The following ZNF423 variants were observed in gnomAD, a reference collection of about 807,000 sequenced individuals.
ZNF423 encodes Ebf-associated zinc finger protein.
In ZNF423, 12 loss-of-function variants were observed where a neutral mutation model predicts 95.8. The observed-to-expected ratio is 0.13, with a 90% CI of 0.08 to 0.20. The LOEUF is 0.20. Among genes scored for constraint, ZNF423 ranks in the 10% least tolerant of loss-of-function variants. ZNF423 has a pLI of 1.00. For missense variants in ZNF423, 1,316 were observed against 1,737.1 expected (o/e 0.76, Z 4.31); for synonymous variants, 749 against 711.9 (o/e 1.05, Z -0.83).
At chr16:49,529,972 T>C (rs550255436) in intron 5 of ZNF423, among the ~76,000 whole-genome samples, 1 of 152,094 alleles carries the variant, frequency 6.6e-6, no homozygotes, top group African/African-American at 2.4e-5. Flanking sequence ...AGAAGACCAA[T>C]GACTTCCGCC....
intron 3 of ZNF423, among the ~76,000 whole-genome samples, chr16:49,641,706 G>A (rs757167869): frequency 9.9e-5 from 15 of 152,110 alleles, no homozygotes; most frequent in African/African-American, 2.2e-4. Context: ...CTCACTTTAC[G>A]CATCTGAAAA....
intron 5 of ZNF423, among the ~76,000 whole-genome samples, chr16:49,612,213 AAC>A (rs1971745507): frequency 6.6e-6 from 1 of 152,022 alleles, no homozygotes; most frequent in Admixed American, 6.6e-5. Flanking sequence ...ATCCCTCATA[AAC>A]ACAGATACAA....
chr16:49,518,186 C>T (rs1968233093), intron 7 of ZNF423: 3 of 380,840 alleles, frequency 7.9e-6, no homozygotes, highest in Non-Finnish European at 1.5e-5. Flanking sequence ...ATCTACATAA[C>T]CTGTGTTGAC....
chr16:49,801,849 T>A (rs2034587420), intron 1 of ZNF423, among the ~76,000 whole-genome samples: 1 of 152,110 alleles, frequency 6.6e-6, no homozygotes, highest in Non-Finnish European at 1.5e-5. Context: ...TAGCCAGGAC[T>A]GGATTTTTAT....
At chr16:49,820,557 A>T (rs1354675204) in intron 1 of ZNF423, among the ~76,000 whole-genome samples, 1 of 152,114 alleles carries the variant, frequency 6.6e-6, no homozygotes, top group African/African-American at 2.4e-5. Flanking sequence ...TAAAGAACAG[A>T]TGGTGTTGCT....
intron 5 of ZNF423, among the ~76,000 whole-genome samples, chr16:49,575,166 G>A (rs1290547621): frequency 6.6e-6 from 1 of 152,100 alleles, no homozygotes; most frequent in Non-Finnish European, 1.5e-5. Flanking sequence ...GCATCACTCA[G>A]GAAAGTGGAT....
At position 49,815,646 on chromosome 16, in the gene ZNF423, G is replaced by A. The variant is rs372455957; in HGVS notation, c.41-26100C>T. 2.0e-5 allele frequency among the ~76,000 whole-genome samples: 3 copies of A among 151,718 alleles called. No homozygotes were observed. The East Asian group carries it at 5.8e-4, about 29-fold the overall frequency. ...GTACTGGCAACCTTGAGGCCTTCAG[G>A]GCCAGCCAGGTAACATTAAAGGGTA... On this transcript the variant is annotated intron_variant, in intron 1 of 7. Transcript: ENST00000563137.
intron 5 of ZNF423, among the ~76,000 whole-genome samples, chr16:49,566,205 T>C (rs939975044): frequency 6.6e-6 from 1 of 152,190 alleles, no homozygotes; most frequent in Non-Finnish European, 1.5e-5. Flanking sequence ...ACAGCACTCA[T>C]AGCCACCTCT....
chr16:49,703,814 T>A (rs1379604841), intron 3 of ZNF423, among the ~76,000 whole-genome samples: 1 of 151,940 alleles, frequency 6.6e-6, no homozygotes, highest in Non-Finnish European at 1.5e-5. Flanking sequence ...CTGGCAGGGG[T>A]TGTTTATCTC....
chr16:49,557,572 G>A (rs1969871997), intron 5 of ZNF423, among the ~76,000 whole-genome samples: 2 of 152,344 alleles, frequency 1.3e-5, no homozygotes, highest in South Asian at 4.1e-4. Context: ...ATGGCTGCAG[G>A]CCCCTGATAT....
intron 3 of ZNF423, among the ~76,000 whole-genome samples, chr16:49,719,936 G>A (rs145122843): frequency 6.6e-6 from 1 of 152,194 alleles, no homozygotes; most frequent in African/African-American, 2.4e-5. Flanking sequence ...CACCATCTGG[G>A]CACCTGAGCC....
intron 3 of ZNF423, among the ~76,000 whole-genome samples, chr16:49,705,785 T>A (rs577051877): frequency 6.6e-6 from 1 of 152,272 alleles, no homozygotes; most frequent in South Asian, 2.1e-4. Context: ...TGACCTCAGG[T>A]GACCCACCCA....
chr16:49,643,557 C>T (rs1973054411), intron 3 of ZNF423, among the ~76,000 whole-genome samples: 1 of 129,948 alleles, frequency 7.7e-6, no homozygotes, highest in African/African-American at 2.8e-5. Flanking sequence ...CACTACCCCC[C>T]ACCCCCCACT....
intron 5 of ZNF423, among the ~76,000 whole-genome samples, chr16:49,531,746 C>T (rs185834505): frequency 2.6e-5 from 4 of 152,240 alleles, no homozygotes; most frequent in South Asian, 2.1e-4. Context: ...AGGAGTGTCC[C>T]TTGTCAAAGG....
Position 49,683,815 on chromosome 16 carries a change from C to T in ZNF423, c.302-44941G>A, listed in dbSNP as rs116940981. ...AAACTTAGCCAGGCATGATGGTGTGCGCCTGTAATCCCAGCACTTTGGGAG... is the reference window on the plus strand; with the variant it reads ...AAACTTAGCCAGGCATGATGGTGTGTGCCTGTAATCCCAGCACTTTGGGAG... On this transcript the variant is annotated intron_variant, in intron 3 of 7. Transcript: ENST00000563137. Among the ~76,000 whole-genome samples, 332 of 152,300 alleles carry T rather than the reference C, an allele frequency of 2.2e-3. 16 individuals carry two copies. In the East Asian group the frequency reaches 0.048, roughly 22 times the overall value.
intron 5 of ZNF423, among the ~76,000 whole-genome samples, chr16:49,554,050 C>T (rs1969738110): frequency 1.3e-5 from 2 of 152,116 alleles, no homozygotes; most frequent in Non-Finnish European, 1.5e-5. Context: ...GCTTCATGGT[C>T]CCCCCACAAC....
At chr16:49,585,752 G>A (rs1423367290) in intron 5 of ZNF423, among the ~76,000 whole-genome samples, 1 of 152,210 alleles carries the variant, frequency 6.6e-6, no homozygotes, top group Admixed American at 6.5e-5. Context: ...CAAAATTAAT[G>A]ATATGAATAC....
intron 5 of ZNF423, 31 bp from the exon 6 acceptor site, chr16:49,525,525 C>T (rs1226731055): frequency 1.9e-6 from 3 of 1,612,938 alleles, no homozygotes; most frequent in Non-Finnish European, 1.7e-6. Context: ...CAGTCAGTGA[C>T]CAGCATGCCA....
At chr16:49,619,007 T>C (rs1971970239) in intron 5 of ZNF423, among the ~76,000 whole-genome samples, 1 of 152,196 alleles carries the variant, frequency 6.6e-6, no homozygotes, top group South Asian at 2.1e-4. Flanking sequence ...CAGTACTGAA[T>C]TGTGTACAGT....
Sources: gnomAD v4.1 joint callset for allele counts (sites outside exome capture counted in the v4.1 genomes callset) on GRCh38, gnomAD v4.1.1 for gene constraint, MANE v1.5 for transcripts, NCBI Gene and HGNC (gene_info 2026-07-23, HGNC 2026-07-21) for gene names.